RIPOR2: variants seen among roughly 807,000 people sequenced by gnomAD.
RIPOR2 encodes the protein RHO family interacting cell polarization regulator 2, also known as rho family-interacting cell polarization regulator 2.
RIPOR2 carries 39 observed loss-of-function variants against 114.5 expected under a neutral mutation model. The ratio of observed to expected loss-of-function variants is 0.34; its 90% CI spans 0.26 to 0.44. The LOEUF (loss-of-function observed/expected upper bound fraction) is 0.44, where lower values mean the gene tolerates loss of function less well. RIPOR2 is among the 20% of genes least tolerant of loss of function. The pLI is 1.00. For synonymous variants in RIPOR2, 445 were observed against 484.4 expected, an observed-to-expected ratio of 0.92 and a Z score of 1.07; for missense variants, 1,007 against 1,255.1, an observed-to-expected ratio of 0.80 and a Z score of 2.99.
rs187167671 is a variant in RIPOR2, at chr6:25,019,524, C to G, written c.76+22327G>C. On this transcript the variant is annotated intron_variant, in intron 1 of 13. Coordinates refer to the RIPOR2 transcript ENST00000510784. ...GTGGCTCACGCCTGTAATCCCAGCACTCTGGGAGGCTGAGGCGGGTGGATC... is the reference window on the plus strand; with the variant it reads ...GTGGCTCACGCCTGTAATCCCAGCAGTCTGGGAGGCTGAGGCGGGTGGATC... 1.9e-3 allele frequency among the ~76,000 whole-genome samples: 290 copies of G among 151,980 alleles called. 1 individual carries two copies. Among genetic ancestry groups the G allele is most frequent in the African/African-American group, 4.7e-3 (194 of 41,488 alleles).
intron 1 of RIPOR2, among the ~76,000 whole-genome samples, chr6:24,989,866 C>A (rs1774715624): frequency 6.6e-6 from 1 of 151,570 alleles, no homozygotes; most frequent in Non-Finnish European, 1.5e-5. Flanking sequence ...CCCATCTCTA[C>A]TAAAAATACA....
At chr6:24,847,803 G>A (rs1278815197) in intron 12 of RIPOR2, 45 of 1,200,204 alleles carry the variant, frequency 3.7e-5, no homozygotes, top group Non-Finnish European at 5.0e-5. Context: ...TTATTTATAT[G>A]CACTTCTTTA....
In RIPOR2 at chr6:24,806,491, A is replaced by C. The variant is rs529137682; in HGVS notation, c.3044-18T>G. 8.7e-6 allele frequency: 13 copies of C among 1,499,576 alleles called. No homozygotes were observed. The South Asian group carries it at 1.2e-4, about 14-fold the overall frequency. 92.9% of individuals were successfully genotyped at this position (1,499,576 alleles called of 1,614,324 possible). On this transcript the variant is annotated intron_variant, in intron 21 of 21. Transcript: ENST00000643898. ...ATCTTCTCCTAAATACAGAACATTA[A>C]ACATGAATACCAATTCAAACAACGT...
intron 13 of RIPOR2, chr6:24,840,677 CT>C: frequency 6.5e-7 from 1 of 1,534,570 alleles, no homozygotes; most frequent in Non-Finnish European, 8.7e-7. Context: ...GGGAAAACGT[CT>C]TTCGGTCTTT....
At chr6:25,038,084 TGATA>T (rs1475012386) in intron 1 of RIPOR2, among the ~76,000 whole-genome samples, 6 of 152,356 alleles carry the variant, frequency 3.9e-5, no homozygotes, top group Admixed American at 2.0e-4. Flanking sequence ...TAAATTTAGG[TGATA>T]GATATATAAG....
rs1236943168 is a variant in RIPOR2 at position 24,989,335 on chromosome 6, T to C, written c.76+52516A>G. Among the ~76,000 whole-genome samples, 6 of 151,640 alleles carry C rather than the reference T, an allele frequency of 4.0e-5. No homozygotes were observed. In the East Asian group the frequency reaches 7.8e-4, roughly 20 times the overall value. ...TTTCGAGACAGAATCTTGCTCTGTC[T>C]CCCTGGCTGGAGTGCAATGGCATGA... is the stretch of plus-strand genomic sequence containing the variant. On this transcript the variant is annotated intron_variant, in intron 1 of 13. Transcript: ENST00000510784.
chr6:24,905,500 T>C (rs1206507708), intron 1 of RIPOR2, among the ~76,000 whole-genome samples: 1 of 152,230 alleles, frequency 6.6e-6, no homozygotes, highest in African/African-American at 2.4e-5. Context: ...GGGTTACAGC[T>C]GGTAGTTATC....
Position 25,023,976 on chromosome 6 carries a change from C to T in RIPOR2, c.76+17875G>A, listed in dbSNP as rs1776467601. The T allele has an allele frequency of 4.1e-6, 3 of 734,254 alleles. No homozygotes were observed. In the Admixed American group the frequency reaches 5.2e-5, roughly 13 times the overall value. 45.5% of individuals were successfully genotyped at this position (734,254 alleles called of 1,614,324 possible). On this transcript the variant is annotated intron_variant, in intron 1 of 13. Coordinates refer to the RIPOR2 transcript ENST00000510784. ...TGTTCCACGGGTTCTTGGGAGTGAC[C>T]GGGATAGGAATCCCGTGCTGCTTTG...
chr6:24,825,791 T>G (rs1388703649), intron 18 of RIPOR2, among the ~76,000 whole-genome samples: 1 of 152,222 alleles, frequency 6.6e-6, no homozygotes, highest in East Asian at 1.9e-4. Context: ...TAATTGCTCC[T>G]CTTTTAGTCA....
At chr6:24,903,782 T>C (rs1768699583) in intron 1 of RIPOR2, among the ~76,000 whole-genome samples, 1 of 152,202 alleles carries the variant, frequency 6.6e-6, no homozygotes, top group Admixed American at 6.5e-5. Context: ...ACCTCCCCTT[T>C]GTATCTTAAT....
chr6:24,991,272 A>T (rs1774800545), intron 1 of RIPOR2, among the ~76,000 whole-genome samples: 1 of 152,192 alleles, frequency 6.6e-6, no homozygotes, highest in African/African-American at 2.4e-5. Context: ...AGATAATATT[A>T]TTCTTTCACC....
At chr6:24,994,326 A>C (rs1774956714) in intron 1 of RIPOR2, among the ~76,000 whole-genome samples, 1 of 152,210 alleles carries the variant, frequency 6.6e-6, no homozygotes. Flanking sequence ...CAAATCAAAG[A>C]AAGTACAGGT....
intron 1 of RIPOR2, among the ~76,000 whole-genome samples, chr6:24,905,065 G>A (rs1024254532): frequency 2.6e-5 from 4 of 152,052 alleles, no homozygotes; most frequent in African/African-American, 4.8e-5. Flanking sequence ...GTAAGCCACC[G>A]CGCCCGGCCA....
At chr6:24,945,687 A>G (rs1041889887) in intron 1 of RIPOR2, among the ~76,000 whole-genome samples, 1 of 152,218 alleles carries the variant, frequency 6.6e-6, no homozygotes, top group African/African-American at 2.4e-5. Context: ...TCTAAACTAG[A>G]TTGCTATAAA....
Position 24,850,162 on chromosome 6 carries a change from T to A in RIPOR2, c.886-212A>T, listed in dbSNP as rs114441782. 0.021 allele frequency among the ~76,000 whole-genome samples: 3,205 copies of A among 150,436 alleles called. 117 individuals are homozygous for A. Among genetic ancestry groups the A allele is most frequent in the African/African-American group, 0.071 (2,880 of 40,820 alleles). On this transcript the variant is annotated intron_variant, in intron 10 of 21. Transcript: ENST00000643898. The stretch of plus-strand genomic sequence containing the variant: ...CCCAGGCTATAGTGCAGTAGTGTGA[T>A]CATGGCTAATTGCAGCCTTGACCTC...
chr6:24,952,365 G>T (rs1025097593), intron 1 of RIPOR2, among the ~76,000 whole-genome samples: 8 of 152,036 alleles, frequency 5.3e-5, no homozygotes, highest in African/African-American at 1.7e-4. Context: ...TGGCTGCTGG[G>T]GATATAGACT....
intron 1 of RIPOR2, among the ~76,000 whole-genome samples, chr6:24,923,092 G>C (rs1770627819): frequency 6.6e-6 from 1 of 151,992 alleles, no homozygotes; most frequent in African/African-American, 2.4e-5. Flanking sequence ...CTATAAATTT[G>C]ATTACTCTTG....
intron 1 of RIPOR2, chr6:25,015,679 TAAAG>T (rs1013044475): frequency 7.2e-5 from 11 of 152,056 alleles, no homozygotes; most frequent in African/African-American, 2.7e-4. Flanking sequence ...AATTGGGAAA[TAAAG>T]GAAGTCCCTC....
intron 1 of RIPOR2, among the ~76,000 whole-genome samples, chr6:24,995,800 ATTT>A (rs35560241): frequency 0.013 from 1,795 of 136,674 alleles, 35 homozygotes; most frequent in African/African-American, 0.045. Context: ...AACTAGAGTG[ATTT>A]TTTTTTTTTT....
Sources: allele counts gnomAD v4.1 joint callset (sites outside exome capture counted in the v4.1 genomes callset), GRCh38; gene constraint gnomAD v4.1.1; transcripts MANE v1.5; gene names NCBI Gene and HGNC (gene_info 2026-07-23, HGNC 2026-07-21).